PLCB1: variants seen among roughly 807,000 people sequenced by gnomAD.
PLCB1 encodes phospholipase C beta 1.
In PLCB1, 46 loss-of-function variants were observed where a neutral mutation model predicts 161.8. That is an observed-to-expected ratio of 0.28 (90% CI 0.22 to 0.36). The LOEUF (loss-of-function observed/expected upper bound fraction) is 0.36. Ranked by LOEUF, PLCB1 falls within the 10% of genes least tolerant of loss-of-function variation. The probability of loss-of-function intolerance (pLI) is 1.00; values close to 1 mark genes in which losing one functional copy is unlikely to be tolerated. For missense variants in PLCB1, 1,016 were observed against 1,472.5 expected, an observed-to-expected ratio of 0.69 and a Z score of 5.07; for synonymous variants, 517 against 503.7, an observed-to-expected ratio of 1.03 and a Z score of -0.35.
rs1470831200 is a variant in PLCB1, at chr20:8,649,418, C to T, written c.563C>T (p.Ala188Val). ...FSADRKRVETALEACSLPSSR... is the reference protein window; with the variant it reads ...FSADRKRVETVLEACSLPSSR... ...GCAGATCGGAAGCGAGTTGAAACTGCTTTAGAGGCTTGTAGTCTTCCATCT... is the reference window on the plus strand; with the variant it reads ...GCAGATCGGAAGCGAGTTGAAACTGTTTTAGAGGCTTGTAGTCTTCCATCT... Residue 188 changes from alanine (A) to valine (V), a missense_variant, in exon 7 of 32, where the codon GCT becomes GTT. Ala to Val is a moderately conservative substitution (Grantham distance 64). Transcript: ENST00000338037. 1 of 1,613,120 alleles carries T rather than the reference C, an allele frequency of 6.2e-7. No homozygotes were observed. The highest frequency in any genetic ancestry group is 1.7e-5 in the Admixed American group (1 of 59,992).
At chr20:8,241,045 A>T (rs745345882) in intron 2 of PLCB1, among the ~76,000 whole-genome samples, 6 of 151,982 alleles carry the variant, frequency 3.9e-5, no homozygotes, top group Non-Finnish European at 8.8e-5. Context: ...TTTCCAGGTT[A>T]TGTGATCCTG....
intron 2 of PLCB1, among the ~76,000 whole-genome samples, chr20:8,189,740 A>T (rs1213027370): frequency 6.6e-6 from 1 of 152,116 alleles, no homozygotes; most frequent in Non-Finnish European, 1.5e-5. Flanking sequence ...CAGTTGTATT[A>T]TTCACAGTGA....
At chr20:8,419,990 A>G (rs1185534344) in intron 3 of PLCB1, among the ~76,000 whole-genome samples, 2 of 152,200 alleles carry the variant, frequency 1.3e-5, no homozygotes, top group East Asian at 3.8e-4. Flanking sequence ...GGATTTGCCT[A>G]TTAGAAATAT....
chr20:8,656,751 G>A (rs1989468401), intron 7 of PLCB1, among the ~76,000 whole-genome samples: 1 of 149,400 alleles, frequency 6.7e-6, no homozygotes, highest in South Asian at 2.1e-4. Flanking sequence ...CTGTCTCTAG[G>A]GTCATTACTT....
chr20:8,713,900 C>CA (rs1432192013), intron 12 of PLCB1, among the ~76,000 whole-genome samples: 1 of 152,084 alleles, frequency 6.6e-6, no homozygotes, highest in Non-Finnish European at 1.5e-5. Flanking sequence ...GACTTCCTGA[C>CA]AGAGGACACC....
intron 31 of PLCB1, among the ~76,000 whole-genome samples, chr20:8,810,952 A>G (rs1214237024): frequency 6.6e-6 from 1 of 152,232 alleles, no homozygotes; most frequent in Non-Finnish European, 1.5e-5. Context: ...TGGCCTGGAC[A>G]ACAGATTGAG....
At chr20:8,841,546 T>A (rs1439944596) in intron 31 of PLCB1, among the ~76,000 whole-genome samples, 1 of 152,358 alleles carries the variant, frequency 6.6e-6, no homozygotes, top group South Asian at 2.1e-4. Flanking sequence ...TTTGTTCTGT[T>A]GAATATCAAG....
In PLCB1 at chr20:8,592,018, T is replaced by C. The variant is rs528863055; in HGVS notation, c.247-36276T>C. Among the ~76,000 whole-genome samples the C allele has an allele frequency of 2.0e-5, 3 of 152,350 alleles. No homozygotes were observed. The East Asian group carries it at 5.8e-4, about 29-fold the overall frequency. On this transcript the variant is annotated intron_variant, in intron 3 of 31. Transcript: ENST00000338037. The stretch of plus-strand genomic sequence containing the variant: ...CAAGCCCAAACAAGAAATTCACTTA[T>C]GTTCCATATACACCTTATACATGTA...
intron 2 of PLCB1, among the ~76,000 whole-genome samples, chr20:8,201,483 T>A (rs939183963): frequency 2.6e-5 from 4 of 152,130 alleles, no homozygotes; most frequent in Admixed American, 6.5e-5. Context: ...ACAGCTGGGG[T>A]GCCCAAGAGA....
At chr20:8,296,317 C>T (rs1421783506) in intron 2 of PLCB1, among the ~76,000 whole-genome samples, 3 of 152,170 alleles carry the variant, frequency 2.0e-5, no homozygotes, top group Non-Finnish European at 2.9e-5. Flanking sequence ...CACCTCCCAT[C>T]ACCCGTCAGT....
intron 4 of PLCB1, among the ~76,000 whole-genome samples, chr20:8,645,298 G>T (rs879503255): frequency 3.1e-4 from 42 of 136,404 alleles, no homozygotes; most frequent in Admixed American, 1.3e-3. Flanking sequence ...ACCCAAGAAT[G>T]ATCAATAAAA....
intron 3 of PLCB1, among the ~76,000 whole-genome samples, chr20:8,438,455 A>G (rs1022669693): frequency 2.0e-5 from 3 of 152,234 alleles, no homozygotes; most frequent in Admixed American, 6.5e-5. Flanking sequence ...TGGGCAAAAG[A>G]CAAAGCAGAC....
At chr20:8,183,633 G>A (rs2051870511) in intron 2 of PLCB1, among the ~76,000 whole-genome samples, 1 of 152,178 alleles carries the variant, frequency 6.6e-6, no homozygotes, top group Admixed American at 6.5e-5. Context: ...TACAGAAGGA[G>A]ACTTTAAATA....
chr20:8,798,196 C>T (rs2179480), intron 31 of PLCB1, among the ~76,000 whole-genome samples: 92,167 of 136,196 alleles, frequency 0.68, 30,071 homozygotes, highest in East Asian at 0.76. Context: ...GACTCTATAT[C>T]GAAAAAAAAA....
chr20:8,412,980 C>T (rs1181375672), intron 3 of PLCB1, among the ~76,000 whole-genome samples: 13 of 148,140 alleles, frequency 8.8e-5, no homozygotes, highest in Non-Finnish European at 1.6e-4. Flanking sequence ...AACCAATATA[C>T]ATTTTAAAAG....
At chr20:8,619,652 A>G (rs1339675728) in intron 3 of PLCB1, among the ~76,000 whole-genome samples, 1 of 152,178 alleles carries the variant, frequency 6.6e-6, no homozygotes, top group East Asian at 1.9e-4. Context: ...TGAGAATATG[A>G]GTTGCCTAAT....
chr20:8,486,520 GCT>G (rs1276627151), intron 3 of PLCB1, among the ~76,000 whole-genome samples: 1 of 110,574 alleles, frequency 9.0e-6, no homozygotes, highest in Non-Finnish European at 1.6e-5. Flanking sequence ...ACGGAGTCTC[GCT>G]CTGTCGCCCA....
intron 31 of PLCB1, among the ~76,000 whole-genome samples, chr20:8,796,035 A>T (rs749249991): frequency 6.6e-6 from 1 of 152,176 alleles, no homozygotes; most frequent in Admixed American, 6.5e-5. Context: ...TATCTCCATA[A>T]CCTCATAAAA....
chr20:8,867,855 T>G (rs987031601), intron 31 of PLCB1, among the ~76,000 whole-genome samples: 12 of 152,194 alleles, frequency 7.9e-5, no homozygotes, highest in Non-Finnish European at 1.5e-4. Context: ...CCCATAGATA[T>G]TTGAGTTCAG....
Sources: allele counts gnomAD v4.1 joint callset (sites outside exome capture counted in the v4.1 genomes callset), GRCh38; gene constraint gnomAD v4.1.1; transcripts MANE v1.5; gene names NCBI Gene and HGNC (gene_info 2026-07-23, HGNC 2026-07-21).